The following MAML3 variants were observed in gnomAD, a reference collection of about 807,000 sequenced individuals.
MAML3 encodes the protein mastermind like transcriptional coactivator 3.
In MAML3, 27 loss-of-function variants were observed where a neutral mutation model predicts 101.9. The ratio of observed to expected loss-of-function variants is 0.27; its 90% CI spans 0.20 to 0.37. The LOEUF is 0.37. MAML3 is among the 10% of genes least tolerant of loss of function. MAML3 has a pLI of 1.00. For synonymous variants in MAML3, 501 were observed against 555.9 expected, an observed-to-expected ratio of 0.90 and a Z score of 1.39; for missense variants, 1,316 against 1,444.9, an observed-to-expected ratio of 0.91 and a Z score of 1.45.
intron 1 of MAML3, among the ~76,000 whole-genome samples, chr4:140,107,374 T>C (rs1180582005): frequency 6.6e-6 from 1 of 152,222 alleles, no homozygotes; most frequent in East Asian, 1.9e-4. Context: ...TTGAGTCCTT[T>C]GACTGTATAA....
chr4:139,913,522 T>A (rs1417595716), intron 1 of MAML3, among the ~76,000 whole-genome samples: 1 of 152,194 alleles, frequency 6.6e-6, no homozygotes, highest in East Asian at 1.9e-4. Context: ...GGGGGAAAAG[T>A]CAGCATTAAT....
At chr4:139,991,204 A>T (rs1222707654) in intron 1 of MAML3, among the ~76,000 whole-genome samples, 2 of 152,198 alleles carry the variant, frequency 1.3e-5, no homozygotes, top group Non-Finnish European at 2.9e-5. Context: ...CAAAACAGAG[A>T]TATAGATCAG....
intron 1 of MAML3, among the ~76,000 whole-genome samples, chr4:139,936,326 C>T (rs1046513898): frequency 6.6e-6 from 1 of 152,108 alleles, no homozygotes; most frequent in Non-Finnish European, 1.5e-5. Flanking sequence ...CATATCTTGG[C>T]TATTGTGAAT....
chr4:139,738,526 T>C (rs1195415970), intron 2 of MAML3, among the ~76,000 whole-genome samples: 4 of 152,112 alleles, frequency 2.6e-5, no homozygotes, highest in Non-Finnish European at 5.9e-5. Flanking sequence ...CTGGGCACAA[T>C]ACAGCGACAC....
In MAML3 at chr4:139,861,785, G is replaced by A. The variant is rs143055610; in HGVS notation, c.2079+27572C>T. Among the ~76,000 whole-genome samples the A allele has an allele frequency of 6.5e-3, 987 of 152,122 alleles. 33 individuals are homozygous for A. Among genetic ancestry groups the A allele is most frequent in the Admixed American group, 0.055 (841 of 15,270 alleles). On this transcript the variant is annotated intron_variant, in intron 2 of 4. Coordinates refer to ENST00000509479, the MANE Select transcript of MAML3 (RefSeq NM_018717.5). ...GGGCCTAGTTACCTTTTCCAGAAAC[G>A]AATCTGATTATGTCTCTCCTTTTCT... is the stretch of plus-strand genomic sequence containing the variant.
At chr4:140,104,396 TATATA>T (rs201601138) in intron 1 of MAML3, among the ~76,000 whole-genome samples, 7 of 73,534 alleles carry the variant, frequency 9.5e-5, no homozygotes, top group Non-Finnish European at 1.9e-4. Flanking sequence ...TATTATATAT[TATATA>T]ATATATAATA....
chr4:139,951,821 A>AG (rs1283195012), intron 1 of MAML3, among the ~76,000 whole-genome samples: 1 of 151,988 alleles, frequency 6.6e-6, no homozygotes, highest in South Asian at 2.1e-4. Flanking sequence ...TCTAGTATTA[A>AG]GGGGGGCCAA....
At chr4:139,824,626 C>G (rs984131881) in intron 2 of MAML3, among the ~76,000 whole-genome samples, 1 of 152,158 alleles carries the variant, frequency 6.6e-6, no homozygotes, top group African/African-American at 2.4e-5. Flanking sequence ...AGATGTTGAT[C>G]AAAATATTCA....
intron 1 of MAML3, among the ~76,000 whole-genome samples, chr4:139,915,459 G>A (rs1023267227): frequency 5.3e-5 from 8 of 152,114 alleles, no homozygotes; most frequent in African/African-American, 1.4e-4. Context: ...TAAACCTAAC[G>A]TTCAGACAGA....
At chr4:139,888,057 A>G (rs1732377957) in intron 2 of MAML3, among the ~76,000 whole-genome samples, 1 of 152,206 alleles carries the variant, frequency 6.6e-6, no homozygotes, top group Non-Finnish European at 1.5e-5. Context: ...TGCAGACAAG[A>G]AGCCACTGTG....
intron 1 of MAML3, among the ~76,000 whole-genome samples, chr4:139,991,246 C>T (rs186311900): frequency 3.9e-5 from 6 of 152,238 alleles, no homozygotes; most frequent in Non-Finnish European, 7.3e-5. Context: ...GAAATAAAGT[C>T]GCGTATCTAC....
At chr4:139,760,127 C>A (rs1373486736) in intron 2 of MAML3, among the ~76,000 whole-genome samples, 1 of 152,170 alleles carries the variant, frequency 6.6e-6, no homozygotes, top group African/African-American at 2.4e-5. Context: ...CTACTGGTAC[C>A]CAGATTGGTG....
At chr4:139,889,266 C>A (rs779566444) in intron 2 of MAML3, 91 bp downstream of exon 2, 4 of 1,609,582 alleles carry the variant, frequency 2.5e-6, no homozygotes, top group Non-Finnish European at 3.4e-6. Flanking sequence ...AATTAGACCC[C>A]ACTACAGTGG....
At position 140,129,834 on chromosome 4, in the gene MAML3, G is replaced by A. The variant is rs565133322; in HGVS notation, c.468+23026C>T. Among the ~76,000 whole-genome samples, 53 of 151,922 alleles carry A rather than the reference G, an allele frequency of 3.5e-4. 1 individual carries two copies. Among genetic ancestry groups the A allele is most frequent in the Admixed American group, 5.9e-4 (9 of 15,248 alleles). On this transcript the variant is annotated intron_variant, in intron 1 of 4. Transcript: ENST00000509479. Reference sequence around the variant, plus strand: ...ACAAAAATTAGCCAGGCATGGTGGCGTGCACCTGTAGTCCCAGCTATTCGA... The same window carrying A: ...ACAAAAATTAGCCAGGCATGGTGGCATGCACCTGTAGTCCCAGCTATTCGA...
chr4:139,829,169 C>T lies in MAML3; in HGVS notation c.2079+60188G>A, dbSNP rs531342670. On this transcript the variant is annotated intron_variant, in intron 2 of 4. Transcript: ENST00000509479. Reference sequence around the variant, plus strand: ...GAGGAAGGAAAGAAGGAAGGAAGCACGGAAGGAAGTGGGAAAGGAAAGAAA... The same window carrying T: ...GAGGAAGGAAAGAAGGAAGGAAGCATGGAAGGAAGTGGGAAAGGAAAGAAA... Among the ~76,000 whole-genome samples the T allele has an allele frequency of 1.1e-3, 124 of 109,186 alleles. 2 individuals carry two copies. The South Asian group carries it at 0.023, about 20-fold the overall frequency. The allele number at this position is 109,186 out of a possible 152,430, so 71.6% of individuals were successfully genotyped here.
chr4:139,897,076 T>C (rs1732629512), intron 1 of MAML3, among the ~76,000 whole-genome samples: 1 of 152,192 alleles, frequency 6.6e-6, no homozygotes, highest in African/African-American at 2.4e-5. Flanking sequence ...ACTCTTACTG[T>C]CCTGTCCCTG....
intron 1 of MAML3, among the ~76,000 whole-genome samples, chr4:139,955,087 T>C (rs1360791636): frequency 6.6e-6 from 1 of 152,174 alleles, no homozygotes; most frequent in African/African-American, 2.4e-5. Context: ...TCTTTATCTC[T>C]GAATATTCTA....
chr4:139,963,909 C>T (rs1734075127), intron 1 of MAML3, among the ~76,000 whole-genome samples: 1 of 152,192 alleles, frequency 6.6e-6, no homozygotes, highest in African/African-American at 2.4e-5. Context: ...CCACAGGAGA[C>T]AACCCTGCCA....
intron 1 of MAML3, among the ~76,000 whole-genome samples, chr4:139,993,509 A>G (rs983459223): frequency 2.7e-5 from 4 of 146,770 alleles, no homozygotes; most frequent in African/African-American, 1.0e-4. Context: ...CCTTTTCTTA[A>G]TCTCCTCTTC....
Sources: gnomAD v4.1 joint callset for allele counts (sites outside exome capture counted in the v4.1 genomes callset) on GRCh38, gnomAD v4.1.1 for gene constraint, MANE v1.5 for transcripts, NCBI Gene and HGNC (gene_info 2026-07-23, HGNC 2026-07-21) for gene names.